Variants in IL3RA observed in about 807,000 individuals in gnomAD.
IL3RA encodes the protein interleukin-3 receptor subunit alpha.
In IL3RA, 73 loss-of-function variants were observed where a neutral mutation model predicts 52.3. The ratio of observed to expected loss-of-function variants is 1.40; its 90% CI spans 1.16 to 1.70. The LOEUF (loss-of-function observed/expected upper bound fraction) is 1.70, where lower values mean the gene tolerates loss of function less well. IL3RA is among the 40% of genes most tolerant of loss of function. The probability of loss-of-function intolerance (pLI) is 0.00; values close to 1 mark genes in which losing one functional copy is unlikely to be tolerated. For synonymous variants in IL3RA, 260 were observed against 194.0 expected, an observed-to-expected ratio of 1.34 and a Z score of -2.83; for missense variants, 664 against 504.4, an observed-to-expected ratio of 1.32 and a Z score of -3.03.
chrX:1,352,623 TC>T, intron 6 of IL3RA, 117 bp downstream of exon 6: 1 of 1,107,042 alleles, frequency 9.0e-7, no homozygotes, highest in Non-Finnish European at 1.3e-6. Context: ...CTCTCACATT[TC>T]CAGAGGCTGG....
At chrX:1,360,177 TTCTC>T (rs1302595866) in intron 8 of IL3RA, among the ~76,000 whole-genome samples, 26 of 136,578 alleles carry the variant, frequency 1.9e-4, no homozygotes, top group African/African-American at 7.2e-4. Context: ...CCCTCCATCT[TTCTC>T]TCTCTCTCCC....
chrX:1,381,483 C>T (rs1476208586), intron 11 of IL3RA, among the ~76,000 whole-genome samples: 1 of 151,924 alleles, frequency 6.6e-6, no homozygotes, highest in Non-Finnish European at 1.5e-5. Context: ...CACTGGGCTC[C>T]CAGCCCACCG....
intron 2 of IL3RA, among the ~76,000 whole-genome samples, chrX:1,343,340 C>G (rs2085568045): frequency 6.6e-6 from 1 of 151,896 alleles, no homozygotes; most frequent in South Asian, 2.1e-4. Flanking sequence ...ATGTTTCTAG[C>G]TTTGGGTGAC....
At chrX:1,348,036 CA>C (rs372200553) in intron 3 of IL3RA, among the ~76,000 whole-genome samples, 215 of 100,492 alleles carry the variant, frequency 2.1e-3, no homozygotes, top group South Asian at 0.01. Flanking sequence ...GACTCCCTCT[CA>C]AAAAAAAAAA....
At chrX:1,368,754 G>A (rs1427290722) in intron 9 of IL3RA, among the ~76,000 whole-genome samples, 1 of 146,956 alleles carries the variant, frequency 6.8e-6, no homozygotes, top group Non-Finnish European at 1.5e-5. Context: ...GGGGCCTCAG[G>A]AGGAACCAGC....
At chrX:1,348,611 TCG>T (rs2148931796) in intron 4 of IL3RA, 66 bp downstream of exon 4, 1 of 1,093,742 alleles carries the variant, frequency 9.1e-7, no homozygotes, top group African/African-American at 1.6e-5. Flanking sequence ...TCCCTCCCTC[TCG>T]CCTTCGCTGT....
rs1223923878 is a variant in IL3RA at position 1,348,465 on chromosome X, T to C, written c.218T>C (p.Ile73Thr). The C allele has an allele frequency of 6.2e-7, 1 of 1,613,860 alleles. No individual in the cohort carries two copies. The highest frequency in any genetic ancestry group is 1.7e-5 in the Admixed American group (1 of 59,976). The change falls in exon 4 of 12, where the codon ATT (isoleucine) becomes ACT (threonine). Residue 73 changes from isoleucine to threonine, a missense_variant. Transcript: ENST00000331035. ...VNNSYCQFGA[I>T]SLCEVTNYTV... ...AATAGCTATTGCCAGTTTGGAGCAA[T>C]TTCCTTATGTGAAGTGACCAACTAC...
chrX:1,352,007 C>T (rs2148963955), intron 4 of IL3RA, 93 bp from the exon 5 acceptor site: 1 of 1,486,856 alleles, frequency 6.7e-7, no homozygotes, highest in Non-Finnish European at 9.1e-7. Flanking sequence ...TCATGTGATC[C>T]ACCCGCCTCG....
chrX:1,348,405 C>G (rs762862211), intron 3 of IL3RA, 26 bp from the exon 4 acceptor site: 6 of 1,514,196 alleles, frequency 4.0e-6, no homozygotes, highest in Middle Eastern at 1.7e-4. Context: ...CTGTCAGCAG[C>G]CATCATAGTC....
In IL3RA at chrX:1,352,311, G is replaced by T; in HGVS notation, c.432-11G>T. 6.2e-7 allele frequency: 1 copy of T among 1,613,676 alleles called. No homozygotes were observed. The highest frequency in any genetic ancestry group is 8.5e-7 in the Non-Finnish European group (1 of 1,179,734). ...CGTGGGGTCGTCCCCCAACCTTACC[G>T]CTTACCGCAGCAGGCGTCAACAGTA... On this transcript the variant is annotated splice_polypyrimidine_tract_variant and intron_variant, in intron 5 of 11. Transcript: ENST00000331035.
intron 4 of IL3RA, among the ~76,000 whole-genome samples, chrX:1,350,590 A>T (rs1253368530): frequency 1.0e-3 from 10 of 9,888 alleles, no homozygotes; most frequent in African/African-American, 5.2e-3. Context: ...ATTCCATCTA[A>T]AAAAAAAAAA....
chrX:1,353,974 CCACCCCCATCATGGGTCATGGGAG>C (rs2086396046), intron 6 of IL3RA, among the ~76,000 whole-genome samples: 4 of 80,500 alleles, frequency 5.0e-5, no homozygotes, highest in African/African-American at 1.1e-4. Flanking sequence ...CGTGGGACCC[CCACCCCCATCATGGGTCATGGGAG>C]CCCCCATTGT....
rs2085799486 is a variant in IL3RA at position 1,347,436 on chromosome X, C to G, written c.184-995C>G. 1.3e-5 allele frequency among the ~76,000 whole-genome samples: 2 copies of G among 151,186 alleles called. 1 individual carries two copies. The highest frequency in any genetic ancestry group is 4.9e-5 in the African/African-American group (2 of 40,788). Reference sequence around the variant, plus strand: ...CTCCAGCCTGGGCGACAGAGCGAGACTCTGTCTCAAAAAAACAAAAACAAA... The same window carrying G: ...CTCCAGCCTGGGCGACAGAGCGAGAGTCTGTCTCAAAAAAACAAAAACAAA... On this transcript the variant is annotated intron_variant, in intron 3 of 11. Coordinates refer to ENST00000331035, the MANE Select transcript of IL3RA (RefSeq NM_002183.4).
At chrX:1,351,410 C>A (rs2086077090) in intron 4 of IL3RA, among the ~76,000 whole-genome samples, 1 of 151,962 alleles carries the variant, frequency 6.6e-6, no homozygotes, top group Non-Finnish European at 1.5e-5. Context: ...CTCACTGCAA[C>A]CTCTGCCTCC....
At chrX:1,348,682 C>CTTTCTTTCT (rs2085917130) in intron 4 of IL3RA, 137 bp downstream of exon 4, 1 of 495,818 alleles carries the variant, frequency 2.0e-6, no homozygotes, top group Non-Finnish European at 3.5e-6. Flanking sequence ...TTCTTTCTTT[C>CTTTCTTTCT]TTTCTTTCTT....
At chrX:1,343,675 A>AT (rs1378654806) in intron 2 of IL3RA, among the ~76,000 whole-genome samples, 4,342 of 146,634 alleles carry the variant, frequency 0.03, 253 homozygotes, top group African/African-American at 0.11. Flanking sequence ...TCAAAAAAAA[A>AT]AAAAAAAAAA....
intron 4 of IL3RA, 133 bp downstream of exon 4, chrX:1,348,678 C>T (rs868212070): frequency 1.3e-5 from 6 of 476,830 alleles, no homozygotes; most frequent in African/African-American, 9.1e-5. Flanking sequence ...TTCTTTCTTT[C>T]TTTCTTTCTT....
At position 1,380,960 on chromosome X, in the gene IL3RA, T is replaced by C. The variant is rs2089149932; in HGVS notation, c.981-63T>C. ...GGCACTGTCTGTCCTGGACACGCTG[T>C]GTCCCAGATGATGAGCTGGTCGGTT... On this transcript the variant is annotated intron_variant, in intron 10 of 11. Transcript: ENST00000331035. 8.9e-6 allele frequency: 12 copies of C among 1,355,640 alleles called. No homozygotes were observed. In the South Asian group the frequency reaches 1.4e-4, roughly 16 times the overall value. The allele number at this position is 1,355,640 out of a possible 1,614,324, so 84.0% of individuals were successfully genotyped here. A position where few individuals can be genotyped will look rare whatever the true frequency, so the allele number is the denominator to read the frequency against.
chrX:1,352,846 T>C (rs776877940), intron 6 of IL3RA, among the ~76,000 whole-genome samples: 1 of 151,440 alleles, frequency 6.6e-6, no homozygotes, highest in South Asian at 2.1e-4. Context: ...CCCCCCATCA[T>C]GGGTTCCATC....
Sources: gnomAD v4.1 joint callset for allele counts (sites outside exome capture counted in the v4.1 genomes callset) on GRCh38, gnomAD v4.1.1 for gene constraint, MANE v1.5 for transcripts, NCBI Gene and HGNC (gene_info 2026-07-23, HGNC 2026-07-21) for gene names.